The following SDK1 variants were observed in gnomAD, a reference collection of about 807,000 sequenced individuals.
The protein encoded by SDK1 is protein sidekick-1.
In SDK1, 157 loss-of-function variants were observed where a neutral mutation model predicts 245.5. The observed-to-expected ratio is 0.64, with a 90% CI of 0.56 to 0.73. SDK1 has a LOEUF of 0.73. Ranked by LOEUF, SDK1 falls within the 30% of genes least tolerant of loss-of-function variation. The pLI is 0.00. For missense variants in SDK1, 3,583 were observed against 3,002.3 expected, an observed-to-expected ratio of 1.19 and a Z score of -4.52; for synonymous variants, 1,647 against 1,278.5, an observed-to-expected ratio of 1.29 and a Z score of -6.15.
intron 1 of SDK1, among the ~76,000 whole-genome samples, chr7:3,465,495 C>G (rs1489331810): frequency 6.6e-6 from 1 of 152,070 alleles, no homozygotes; most frequent in African/African-American, 2.4e-5. Context: ...ATTAGTGTGT[C>G]CTGTTATTTA....
chr7:3,860,380 G>A (rs1486220735), intron 5 of SDK1, among the ~76,000 whole-genome samples: 1 of 152,170 alleles, frequency 6.6e-6, no homozygotes, highest in Non-Finnish European at 1.5e-5. Context: ...GTTGATAGGT[G>A]ATGAATACAT....
intron 17 of SDK1, among the ~76,000 whole-genome samples, chr7:4,047,275 G>T (rs910834776): frequency 1.3e-5 from 2 of 151,980 alleles, no homozygotes; most frequent in African/African-American, 4.8e-5. Flanking sequence ...ATTTTATTCT[G>T]TTGATGTGAT....
chr7:3,396,125 A>G (rs1015431713), intron 1 of SDK1, among the ~76,000 whole-genome samples: 2 of 151,862 alleles, frequency 1.3e-5, no homozygotes, highest in East Asian at 1.9e-4. Flanking sequence ...TGTTAGCTGC[A>G]TCTCATACAC....
intron 13 of SDK1, among the ~76,000 whole-genome samples, chr7:3,977,089 G>A (rs1782996924): frequency 5.8e-5 from 1 of 17,240 alleles, no homozygotes; most frequent in East Asian, 1.4e-3. Flanking sequence ...GGGTCCCGGG[G>A]CTGAGGCTGC....
At chr7:3,636,643 G>T (rs988144346) in intron 2 of SDK1, among the ~76,000 whole-genome samples, 2 of 152,128 alleles carry the variant, frequency 1.3e-5, no homozygotes, top group Non-Finnish European at 2.9e-5. Flanking sequence ...TTGGCTAATT[G>T]TGGATAATGC....
At chr7:3,886,891 G>A (rs1433793215) in intron 5 of SDK1, among the ~76,000 whole-genome samples, 2 of 152,158 alleles carry the variant, frequency 1.3e-5, no homozygotes, top group African/African-American at 4.8e-5. Context: ...ACACCAACCT[G>A]GGCAAGAGAA....
chr7:3,559,121 G>C (rs1257973703), intron 1 of SDK1, among the ~76,000 whole-genome samples: 1 of 152,182 alleles, frequency 6.6e-6, no homozygotes, highest in Non-Finnish European at 1.5e-5. Context: ...GAAGCCATTA[G>C]TGTGTAAGTC....
intron 1 of SDK1, among the ~76,000 whole-genome samples, chr7:3,601,523 T>C (rs935923289): frequency 6.6e-6 from 1 of 152,208 alleles, no homozygotes; most frequent in African/African-American, 2.4e-5. Context: ...GTTCATAGTA[T>C]TCTTTTTTTA....
chr7:3,493,562 A>C (rs1583945774), intron 1 of SDK1, among the ~76,000 whole-genome samples: 2 of 152,372 alleles, frequency 1.3e-5, no homozygotes, highest in East Asian at 3.9e-4. Flanking sequence ...AGTAGTAATC[A>C]AGAAATGTGA....
intron 4 of SDK1, among the ~76,000 whole-genome samples, chr7:3,706,360 C>T (rs952060959): frequency 7.2e-5 from 11 of 152,162 alleles, no homozygotes; most frequent in Non-Finnish European, 1.6e-4. Context: ...CTTTGAATGT[C>T]TAGTAGAATT....
intron 5 of SDK1, among the ~76,000 whole-genome samples, chr7:3,948,982 C>T (rs1351354404): frequency 1.3e-5 from 2 of 152,192 alleles, no homozygotes; most frequent in African/African-American, 4.8e-5. Context: ...CAGCCACTTT[C>T]ACAGATGACA....
chr7:4,110,133 C>A (rs1015280126), intron 22 of SDK1, among the ~76,000 whole-genome samples: 11 of 152,172 alleles, frequency 7.2e-5, no homozygotes, highest in Admixed American at 2.0e-4. Flanking sequence ...ACTCATCCTT[C>A]CCTGCCTAAG....
At chr7:4,034,544 T>C (rs897451519) in intron 17 of SDK1, among the ~76,000 whole-genome samples, 40 of 152,368 alleles carry the variant, frequency 2.6e-4, no homozygotes, top group African/African-American at 8.7e-4. Flanking sequence ...AAATTATCTT[T>C]GGCGTTTAAA....
chr7:3,959,460 A>G (rs1184137393), intron 8 of SDK1, among the ~76,000 whole-genome samples: 2 of 152,206 alleles, frequency 1.3e-5, no homozygotes, highest in Non-Finnish European at 2.9e-5. Flanking sequence ...CGTGAGGTAC[A>G]AGGCAATTTT....
At chr7:4,081,602 T>C (rs956862330) in intron 22 of SDK1, among the ~76,000 whole-genome samples, 1 of 151,936 alleles carries the variant, frequency 6.6e-6, no homozygotes, top group Non-Finnish European at 1.5e-5. Context: ...TGTATTTTAG[T>C]AGAGACGGGG....
chr7:3,488,762 T>A (rs1781779604), intron 1 of SDK1, among the ~76,000 whole-genome samples: 2 of 152,186 alleles, frequency 1.3e-5, no homozygotes, highest in African/African-American at 4.8e-5. Flanking sequence ...ATCAAAAACC[T>A]ACATTCAATT....
intron 5 of SDK1, among the ~76,000 whole-genome samples, chr7:3,859,084 G>A (rs1026180137): frequency 2.0e-5 from 3 of 151,738 alleles, no homozygotes; most frequent in African/African-American, 7.3e-5. Context: ...GGATGGTCTC[G>A]AACTCCTGAC....
intron 1 of SDK1, among the ~76,000 whole-genome samples, chr7:3,583,808 T>G (rs1780594083): frequency 6.7e-6 from 1 of 149,216 alleles, no homozygotes; most frequent in Non-Finnish European, 1.5e-5. Context: ...TCTGCAACAG[T>G]AGAATTTATT....
chr7:3,901,640 A>G (rs924893914), intron 5 of SDK1, among the ~76,000 whole-genome samples: 7 of 152,182 alleles, frequency 4.6e-5, no homozygotes, highest in South Asian at 2.1e-4. Flanking sequence ...TGAGTTATCA[A>G]TAATCTGTGT....
Sources: allele counts gnomAD v4.1 joint callset (sites outside exome capture counted in the v4.1 genomes callset), GRCh38; gene constraint gnomAD v4.1.1; transcripts MANE v1.5; gene names NCBI Gene and HGNC (gene_info 2026-07-23, HGNC 2026-07-21).